The following SACS variants were observed in gnomAD, a reference collection of about 807,000 sequenced individuals.
SACS encodes the protein sacsin molecular chaperone, also known as sacsin.
In SACS, 197 loss-of-function variants were observed where a neutral mutation model predicts 348.0. That is an observed-to-expected ratio of 0.57 (90% CI 0.50 to 0.64). The LOEUF (loss-of-function observed/expected upper bound fraction) is 0.64. SACS is among the 30% of genes least tolerant of loss of function. The pLI, the probability that SACS is intolerant of heterozygous loss-of-function variation, is 0.00. For synonymous variants in SACS, 1,985 were observed against 1,910.6 expected, an observed-to-expected ratio of 1.04 and a Z score of -1.02; for missense variants, 4,999 against 5,360.8, an observed-to-expected ratio of 0.93 and a Z score of 2.11.
chr13:23,362,402 T>C (rs1870793310), intron 6 of SACS, among the ~76,000 whole-genome samples: 1 of 152,136 alleles, frequency 6.6e-6, no homozygotes, highest in Non-Finnish European at 1.5e-5. Flanking sequence ...CCTTAAGAGC[T>C]TCTGGCTGTG....
At position 23,339,646 on chromosome 13, in the gene SACS, GTCAT is replaced by G; in HGVS notation, c.4226_4229del (p.Asn1409ThrfsTer19). 5.6e-6 allele frequency: 9 copies of G among 1,613,248 alleles called. No individual in the cohort carries two copies. The highest frequency in any genetic ancestry group is 7.6e-6 in the Non-Finnish European group (9 of 1,179,502). The stretch of plus-strand genomic sequence containing the variant: ...TTGGTTCCACAGAATCTTCAAGTAA[GTCAT>G]TAAGGTCATCAACTTTAATGTCACA... On this transcript the variant is annotated frameshift_variant, in exon 10 of 10. Coordinates refer to ENST00000382292, the MANE Select transcript of SACS (RefSeq NM_014363.6). LOFTEE classifies it high-confidence loss of function.
In SACS at chr13:23,330,588, G is replaced by T. The variant is rs760611064; in HGVS notation, c.13288C>A (p.Gln4430Lys). Residue 4430 changes from glutamine to lysine, a missense_variant, in exon 10 of 10, where the codon CAA becomes AAA. Physicochemically the swap from Gln to Lys is moderately conservative, Grantham distance 53. Transcript: ENST00000382292. ...CPPSAGQTYS[Q>K]RFFVPPTFKS... ...AAAGTGGGAGGAACAAAGAACCTTT[G>T]AGAGTAAGTCTGTCCGGCTGAAGGG... 1 of 1,613,902 alleles carries T rather than the reference G, an allele frequency of 6.2e-7. No homozygotes were observed. Among genetic ancestry groups the T allele is most frequent in the Non-Finnish European group, 8.5e-7 (1 of 1,180,008 alleles).
chr13:23,390,609 C>T (rs1872495381), intron 2 of SACS, among the ~76,000 whole-genome samples: 1 of 152,152 alleles, frequency 6.6e-6, no homozygotes, highest in African/African-American at 2.4e-5. Flanking sequence ...CTGCAGTAAG[C>T]CATGATCATA....
At chr13:23,386,681 G>A (rs1298646757) in intron 2 of SACS, among the ~76,000 whole-genome samples, 1 of 152,192 alleles carries the variant, frequency 6.6e-6, no homozygotes, top group Non-Finnish European at 1.5e-5. Context: ...TGTCACAAGA[G>A]GCCTGGCTTT....
In SACS at chr13:23,334,874, A is replaced by G. The variant is rs1444101122; in HGVS notation, c.9002T>C (p.Ile3001Thr). Reference sequence around the variant, plus strand: ...TGCAGAGTGCAAGTCAGAGCCATCAATATTTGGAGCCCGCACAACAGGTAA... The same window carrying G: ...TGCAGAGTGCAAGTCAGAGCCATCAGTATTTGGAGCCCGCACAACAGGTAA... Reference protein sequence around the residue: ...RLLPVVRAPNIDGSDLHSAVI... With the variant: ...RLLPVVRAPNTDGSDLHSAVI... The change falls in exon 10 of 10, where the codon ATT becomes ACT. Residue 3001 changes from isoleucine (I) to threonine (T), a missense_variant. By Grantham distance (89) the Ile-to-Thr change is moderately conservative. Coordinates refer to ENST00000382292, the MANE Select transcript of SACS (RefSeq NM_014363.6). The G allele has an allele frequency of 6.2e-7, 1 of 1,613,896 alleles. No individual in the cohort carries two copies. The highest frequency in any genetic ancestry group is 1.1e-5 in the South Asian group (1 of 91,082).
chr13:23,407,725 C>G (rs983219711), intron 2 of SACS, among the ~76,000 whole-genome samples: 3 of 152,178 alleles, frequency 2.0e-5, no homozygotes, highest in African/African-American at 7.2e-5. Context: ...ACAGGCTCCC[C>G]CACGCCCTCT....
chr13:23,345,604 AT>A (rs368804006), intron 9 of SACS, among the ~76,000 whole-genome samples: 1 of 152,326 alleles, frequency 6.6e-6, no homozygotes, highest in Non-Finnish European at 1.5e-5. Context: ...TTCCTCTTTG[AT>A]TTGATACCAC....
intron 2 of SACS, among the ~76,000 whole-genome samples, chr13:23,409,040 CT>C (rs1175897856): frequency 5.1e-4 from 18 of 35,140 alleles, no homozygotes; most frequent in African/African-American, 1.0e-3. Context: ...ACAAGTTTTA[CT>C]TTTTTTTTTT....
intron 1 of SACS, among the ~76,000 whole-genome samples, chr13:23,419,600 A>G (rs1479554645): frequency 6.6e-6 from 1 of 151,604 alleles, no homozygotes; most frequent in Non-Finnish European, 1.5e-5. Context: ...CTCTTTTCTT[A>G]TATTGCAATT....
At chr13:23,344,619 C>T (rs1869484889) in intron 9 of SACS, among the ~76,000 whole-genome samples, 4 of 152,176 alleles carry the variant, frequency 2.6e-5, no homozygotes, top group Admixed American at 2.0e-4. Flanking sequence ...GGTTAGAAAG[C>T]CATAGAAATT....
chr13:23,355,023 A>G lies in SACS; in HGVS notation c.1589T>C (p.Val530Ala), dbSNP rs774008851. The change falls in exon 8 of 10, where the codon GTT (valine) becomes GCT (alanine). Residue 530 changes from valine (V) to alanine (A), a missense_variant. Val to Ala is a moderately conservative substitution (Grantham distance 64, BLOSUM62 0). This residue lies in a region of SACS where 3,156 missense variants were observed against 3,380.1 expected (regional missense o/e 0.93). Coordinates refer to ENST00000382292, the MANE Select transcript of SACS (RefSeq NM_014363.6). ...KSSDFPLSVD[V>A]IYKLWPEASK... ...CGCCTCCGGCCAAAGCTTATAGATA[A>G]CATCAACTGACAAGGGGAAATCAGA... is the stretch of plus-strand genomic sequence containing the variant. The G allele has an allele frequency of 2.5e-6, 4 of 1,614,226 alleles. No homozygotes were observed. The highest frequency in any genetic ancestry group is 3.4e-6 in the Non-Finnish European group (4 of 1,180,044).
At chr13:23,416,139 G>A (rs1320570172) in intron 1 of SACS, among the ~76,000 whole-genome samples, 6 of 151,910 alleles carry the variant, frequency 3.9e-5, no homozygotes, top group African/African-American at 7.3e-5. Context: ...AAAATTAGCC[G>A]GGCATGGTGG....
In SACS at chr13:23,337,080, G is replaced by C; in HGVS notation, c.6796C>G (p.His2266Asp). ...ACTGAACCACAACCTCTAAAAGAATGGGAATTTTCATTTAGAATTGGTTGC... is the reference window on the plus strand; with the variant it reads ...ACTGAACCACAACCTCTAAAAGAATCGGAATTTTCATTTAGAATTGGTTGC... ...LLQPILNENS[H>D]SFRGCGSVSL... Residue 2266 changes from histidine to aspartate, a missense_variant, in exon 10 of 10, where the codon CAT becomes GAT. His to Asp is a moderately conservative substitution (Grantham distance 81). Around this residue, in one of 6 missense-constraint regions of SACS, gnomAD observed 3,156 missense variants for 3,380.1 expected, o/e 0.93. Coordinates refer to ENST00000382292, the MANE Select transcript of SACS (RefSeq NM_014363.6). 6.2e-7 allele frequency: 1 copy of C among 1,613,948 alleles called. No individual in the cohort carries two copies.
chr13:23,414,949 A>AGC (rs1245837611), intron 1 of SACS, among the ~76,000 whole-genome samples: 4 of 152,240 alleles, frequency 2.6e-5, no homozygotes, highest in Non-Finnish European at 5.9e-5. Context: ...TAGGTCTCAG[A>AGC]GATCACTGTG....
At position 23,336,771 on chromosome 13, in the gene SACS, G is replaced by A. The variant is rs1868646282; in HGVS notation, c.7105C>T (p.Pro2369Ser). 1.2e-6 allele frequency: 2 copies of A among 1,613,872 alleles called. No homozygotes were observed. The highest frequency in any genetic ancestry group is 1.7e-6 in the Non-Finnish European group (2 of 1,179,856). ...TTATTAGGCAACTGATAAAGGTATG[G>A]TGCCGCCTCAAAATTTAAATGAAAA... ...VSFHLNFEAA[P>S]YLYQLPNKYK... Residue 2369 changes from proline to serine, a missense_variant, in exon 10 of 10, where the codon CCA becomes TCA. Pro to Ser is a moderately conservative substitution (Grantham distance 74). Transcript: ENST00000382292.
intron 2 of SACS, among the ~76,000 whole-genome samples, chr13:23,379,786 C>G (rs1446693410): frequency 2.0e-5 from 3 of 152,070 alleles, no homozygotes; most frequent in Non-Finnish European, 4.4e-5. Flanking sequence ...AGTGAGAGTC[C>G]TAAAGTCAAG....
chr13:23,418,679 T>C (rs1447500016), intron 1 of SACS, among the ~76,000 whole-genome samples: 1 of 152,162 alleles, frequency 6.6e-6, no homozygotes. Context: ...CTAATTTTTG[T>C]ATTTTTAGTA....
At position 23,411,289 on chromosome 13, in the gene SACS, C is replaced by G. The variant is rs1290331149; in HGVS notation, c.-50G>C. 1 of 1,553,314 alleles carries G rather than the reference C, an allele frequency of 6.4e-7. No individual in the cohort carries two copies. The highest frequency in any genetic ancestry group is 1.1e-5 in the South Asian group (1 of 89,650). ...TTGTGAAAACCATGAAAGTACGCTT[C>G]TTTCTTCTGTTTAAGTCTTCCCTCT... On this transcript the variant is annotated 5_prime_UTR_variant, in exon 2 of 10. Transcript: ENST00000382292.
Position 23,334,965 on chromosome 13 carries a change from G to A in SACS, c.8911C>T (p.Gln2971Ter). 4 of 1,613,936 alleles carry A rather than the reference G, an allele frequency of 2.5e-6. No homozygotes were observed. Among genetic ancestry groups the A allele is most frequent in the Non-Finnish European group, 3.4e-6 (4 of 1,179,856 alleles). The change falls in exon 10 of 10, where the codon CAG becomes TAG. Residue 2971 changes from glutamine (Q) to a stop codon, truncating the protein, a stop_gained. Coordinates refer to ENST00000382292, the MANE Select transcript of SACS (RefSeq NM_014363.6). LOFTEE classifies it high-confidence loss of function. ...SFFPVNRLDL[Q>*]PDLYCLVKAL... ...TTCACTAGACAATATAAATCTGGCT[G>A]TAGATCAAGACGGTTAACTGGGAAA...
Sources: allele counts gnomAD v4.1 joint callset (sites outside exome capture counted in the v4.1 genomes callset), GRCh38; gene constraint gnomAD v4.1.1; regional missense constraint gnomAD v4.1.1; transcripts MANE v1.5; gene names NCBI Gene and HGNC (gene_info 2026-07-23, HGNC 2026-07-21).